MAP4K3: variants seen among roughly 807,000 people sequenced by gnomAD.
The protein encoded by MAP4K3 is mitogen-activated protein kinase kinase kinase kinase 3, also known as MAPK/ERK kinase kinase kinase 3.
A neutral mutation model predicts 143.5 loss-of-function variants in MAP4K3; 94 were observed. The observed-to-expected ratio is 0.65, with a 90% CI of 0.55 to 0.78. The LOEUF (loss-of-function observed/expected upper bound fraction) is 0.78. Among genes scored for constraint, MAP4K3 ranks in the 30% least tolerant of loss-of-function variants. The pLI, the probability that MAP4K3 is intolerant of heterozygous loss-of-function variation, is 0.00. For synonymous variants in MAP4K3, 416 were observed against 347.2 expected, an observed-to-expected ratio of 1.20 and a Z score of -2.20; for missense variants, 1,077 against 1,068.1, an observed-to-expected ratio of 1.01 and a Z score of -0.12.
At position 39,344,915 on chromosome 2, in the gene MAP4K3, G is replaced by A. The variant is rs571753723; in HGVS notation, c.246-1463C>T. On this transcript the variant is annotated intron_variant, in intron 3 of 33. Coordinates refer to ENST00000263881, the MANE Select transcript of MAP4K3 (RefSeq NM_003618.4). ...GAGACAGTAGCAGGAAATAAACCCA[G>A]AATAGGCTGGGTCACACTGTGAAAC... 2.6e-5 allele frequency among the ~76,000 whole-genome samples: 4 copies of A among 152,302 alleles called. No homozygotes were observed. In the East Asian group the frequency reaches 7.7e-4, roughly 29 times the overall value.
intron 16 of MAP4K3, among the ~76,000 whole-genome samples, chr2:39,298,001 CA>C (rs1558631097): frequency 1.3e-5 from 2 of 151,884 alleles, no homozygotes; most frequent in African/African-American, 4.8e-5. Flanking sequence ...TGAGGGGCTA[CA>C]TTTTTTTTTT....
intron 7 of MAP4K3, 36 bp from the exon 8 acceptor site, chr2:39,332,025 G>C: frequency 8.1e-7 from 1 of 1,239,210 alleles, no homozygotes; most frequent in African/African-American, 1.5e-5. Context: ...AGGAAACTGA[G>C]AGAAAATAAA....
chr2:39,392,236 G>A (rs1333954336), intron 1 of MAP4K3, among the ~76,000 whole-genome samples: 3 of 141,792 alleles, frequency 2.1e-5, no homozygotes, highest in African/African-American at 2.6e-5. Context: ...TGCAAATGCA[G>A]AATATCACTT....
At chr2:39,260,326 G>A (rs1336586406) in intron 29 of MAP4K3, among the ~76,000 whole-genome samples, 1 of 152,036 alleles carries the variant, frequency 6.6e-6, no homozygotes, top group African/African-American at 2.4e-5. Context: ...ACATTGCCCA[G>A]GCTGTTCTTG....
intron 3 of MAP4K3, among the ~76,000 whole-genome samples, chr2:39,347,387 T>C (rs17023743): frequency 0.015 from 2,346 of 152,294 alleles, 61 homozygotes; most frequent in African/African-American, 0.053. Context: ...GAATCTTTCA[T>C]GTTAAATGCC....
intron 2 of MAP4K3, among the ~76,000 whole-genome samples, chr2:39,358,367 T>A (rs1665671065): frequency 6.6e-6 from 1 of 152,236 alleles, no homozygotes; most frequent in Admixed American, 6.5e-5. Flanking sequence ...ACTGAATCAA[T>A]CTACAGCACC....
intron 31 of MAP4K3, among the ~76,000 whole-genome samples, chr2:39,255,847 C>A (rs1422237581): frequency 6.6e-6 from 1 of 152,114 alleles, no homozygotes; most frequent in Non-Finnish European, 1.5e-5. Flanking sequence ...ATTTTAAGAG[C>A]AGCTTATCAA....
At chr2:39,386,230 T>C (rs886701031) in intron 1 of MAP4K3, among the ~76,000 whole-genome samples, 1 of 152,138 alleles carries the variant, frequency 6.6e-6, no homozygotes, top group African/African-American at 2.4e-5. Flanking sequence ...AAGGAGGCCA[T>C]CTGCAAGCCA....
At chr2:39,415,039 A>G (rs1485794038) in intron 1 of MAP4K3, among the ~76,000 whole-genome samples, 1 of 152,244 alleles carries the variant, frequency 6.6e-6, no homozygotes, top group Non-Finnish European at 1.5e-5. Context: ...GAAAAGTTCA[A>G]GAGGTTATAA....
intron 2 of MAP4K3, among the ~76,000 whole-genome samples, chr2:39,375,206 C>T (rs762258545): frequency 6.6e-6 from 1 of 152,098 alleles, no homozygotes; most frequent in Non-Finnish European, 1.5e-5. Context: ...CTGCAGTGAG[C>T]CACGATCCTA....
chr2:39,253,906 T>C (rs1307012556), intron 32 of MAP4K3, among the ~76,000 whole-genome samples: 1 of 152,040 alleles, frequency 6.6e-6, no homozygotes, highest in Non-Finnish European at 1.5e-5. Context: ...ATTATTTCTG[T>C]GAGGTAGGAA....
chr2:39,301,150 A>G (rs1027263412), intron 15 of MAP4K3, among the ~76,000 whole-genome samples: 7 of 152,232 alleles, frequency 4.6e-5, no homozygotes, highest in African/African-American at 1.7e-4. Flanking sequence ...TCTGATGAAA[A>G]TTAAAATCAA....
intron 1 of MAP4K3, among the ~76,000 whole-genome samples, chr2:39,431,594 AACG>A (rs1415167500): frequency 6.6e-6 from 1 of 152,158 alleles, no homozygotes; most frequent in Admixed American, 6.5e-5. Context: ...TGAGACTTTA[AACG>A]AAGAAGCAAG....
chr2:39,273,399 C>T (rs1046767088), intron 24 of MAP4K3, among the ~76,000 whole-genome samples: 1 of 152,138 alleles, frequency 6.6e-6, no homozygotes, highest in African/African-American at 2.4e-5. Context: ...CTGAGGCAGA[C>T]TGAAGTTTGA....
chr2:39,411,185 T>C (rs1170847104), intron 1 of MAP4K3, among the ~76,000 whole-genome samples: 1 of 152,254 alleles, frequency 6.6e-6, no homozygotes, highest in East Asian at 1.9e-4. Flanking sequence ...TGTTTTCTTC[T>C]TGGCGTCTAT....
At chr2:39,404,989 AG>A (rs1667056393) in intron 1 of MAP4K3, among the ~76,000 whole-genome samples, 1 of 152,170 alleles carries the variant, frequency 6.6e-6, no homozygotes, top group African/African-American at 2.4e-5. Flanking sequence ...TGGGGTCTAG[AG>A]GAACTCCTCA....
rs1573086446 is a variant in MAP4K3, at chr2:39,278,260, G to A, written c.1794+147C>T. 63 of 516,184 alleles carry A rather than the reference G, an allele frequency of 1.2e-4. No homozygotes were observed. The East Asian group carries it at 2.0e-3, about 17-fold the overall frequency. The allele number at this position is 516,184 out of a possible 1,614,324, so 32.0% of individuals were successfully genotyped here. ...GCACTGCAGCCTGGGCAACAAGAGTGAGACTTGGTCTCAAAAAACAAAACA... is the reference window on the plus strand; with the variant it reads ...GCACTGCAGCCTGGGCAACAAGAGTAAGACTTGGTCTCAAAAAACAAAACA... On this transcript the variant is annotated intron_variant, in intron 24 of 33. Transcript: ENST00000263881.
chr2:39,349,075 T>G (rs922844456), intron 3 of MAP4K3, among the ~76,000 whole-genome samples: 4 of 152,242 alleles, frequency 2.6e-5, no homozygotes, highest in Non-Finnish European at 5.9e-5. Context: ...CTAGCTATCC[T>G]GTACACTGCA....
intron 32 of MAP4K3, among the ~76,000 whole-genome samples, chr2:39,253,854 A>G (rs959168984): frequency 1.8e-4 from 28 of 152,182 alleles, no homozygotes; most frequent in Non-Finnish European, 7.3e-5. Context: ...TTCCGGCATA[A>G]ATGTTGAACT....
Sources: allele counts gnomAD v4.1 joint callset (sites outside exome capture counted in the v4.1 genomes callset), GRCh38; gene constraint gnomAD v4.1.1; transcripts MANE v1.5; gene names NCBI Gene and HGNC (gene_info 2026-07-23, HGNC 2026-07-21).